GALNT15: variants seen among roughly 807,000 people sequenced by gnomAD.
GALNT15 encodes the protein UDP-GalNAc transferase T15.
In GALNT15, 67 loss-of-function variants were observed where a neutral mutation model predicts 66.8. The ratio of observed to expected loss-of-function variants is 1.00; its 90% CI spans 0.82 to 1.23. The LOEUF is 1.23. Among genes scored for constraint, GALNT15 ranks in the 50% most tolerant of loss-of-function variants. GALNT15 has a pLI of 0.00. For missense variants in GALNT15, 827 were observed against 804.3 expected, an observed-to-expected ratio of 1.03 and a Z score of -0.34; for synonymous variants, 313 against 311.5, an observed-to-expected ratio of 1.00 and a Z score of -0.05.
intron 6 of GALNT15, among the ~76,000 whole-genome samples, chr3:16,214,127 C>A (rs1046912915): frequency 1.3e-5 from 2 of 152,238 alleles, no homozygotes; most frequent in African/African-American, 4.8e-5. Context: ...AGGAGAAATG[C>A]TGCTAACAGC....
rs1308840649 is a variant in GALNT15, at chr3:16,203,539, T to TCA, written c.911+2717_911+2718insAC. Among the ~76,000 whole-genome samples the TCA allele has an allele frequency of 3.4e-4, 18 of 53,310 alleles. No homozygotes were observed. Among genetic ancestry groups the TCA allele is most frequent in the East Asian group, 2.2e-3 (3 of 1,344 alleles). 35.0% of individuals were successfully genotyped at this position (53,310 alleles called of 152,430 possible). A position where few individuals can be genotyped will look rare whatever the true frequency, so the allele number is the denominator to read the frequency against. ...CACTCATTCTCTCTCTCTCTCTCTCTCTCTCACACACACACACACACACAC... is the reference window on the plus strand; with the variant it reads ...CACTCATTCTCTCTCTCTCTCTCTCTCACTCTCACACACACACACACACACAC... On this transcript the variant is annotated intron_variant, in intron 3 of 9. Transcript: ENST00000339732. This position sits in a 1 kb window ranked among gnomAD's most constrained non-coding sequence, Gnocchi z 6.2.
intron 1 of GALNT15, among the ~76,000 whole-genome samples, chr3:16,178,845 C>T (rs4685320): frequency 0.42 from 63,115 of 152,060 alleles, 13,816 homozygotes; most frequent in East Asian, 0.5. Flanking sequence ...GCCTGTGCCT[C>T]GGGCTGTAGC....
rs769003708 is a variant in GALNT15 at position 16,204,960 on chromosome 3, T to C, written c.912-3543T>C. Among the ~76,000 whole-genome samples the C allele has an allele frequency of 3.3e-5, 5 of 152,146 alleles. No homozygotes were observed. Among genetic ancestry groups the C allele is most frequent in the African/African-American group, 7.2e-5 (3 of 41,428 alleles). ...GAGCGAGCATGTGCGTGCGTGTGTG[T>C]GTGCGCGCGCATGTGCGCGTCAAGG... is the stretch of plus-strand genomic sequence containing the variant. On this transcript the variant is annotated intron_variant, in intron 3 of 9. Coordinates refer to ENST00000339732, the MANE Select transcript of GALNT15 (RefSeq NM_054110.5). This position sits in a 1 kb window ranked among gnomAD's most constrained non-coding sequence, Gnocchi z 4.5.
chr3:16,192,496 A>G (rs2063589671), intron 1 of GALNT15, among the ~76,000 whole-genome samples: 1 of 151,998 alleles, frequency 6.6e-6, no homozygotes, highest in Non-Finnish European at 1.5e-5. Flanking sequence ...CACTAAATTC[A>G]CTGAGGCAAA....
chr3:16,246,377 G>A, the GALNT15 span, among the ~76,000 whole-genome samples: 1 of 139,024 alleles, frequency 7.2e-6, no homozygotes, highest in South Asian at 2.5e-4. Flanking sequence ...CCAGGCTGGA[G>A]TGCAGTGGTG....
chr3:16,200,637 T>C lies in GALNT15; in HGVS notation c.725T>C (p.Leu242Pro). 6.4e-7 allele frequency: 1 copy of C among 1,569,676 alleles called. No individual in the cohort carries two copies. The highest frequency in any genetic ancestry group is 8.6e-7 in the Non-Finnish European group (1 of 1,157,504). ...ATTCCAGGACAACTCAAGTCTGCTC[T>C]CAGCGAATATGTGGCCAGGCTGGAG... ...LSQQGQLKSA[L>P]SEYVARLEGV... Residue 242 changes from leucine to proline, a missense_variant, in exon 3 of 10, where the codon CTC (leucine) becomes CCC (proline). Physicochemically the swap from Leu to Pro is moderately conservative, Grantham distance 98. Transcript: ENST00000339732. The surrounding 1 kb of genome is among the most constrained non-coding windows in gnomAD (Gnocchi z 4.4).
At chr3:16,205,566 G>T (rs572514526) in intron 3 of GALNT15, among the ~76,000 whole-genome samples, 20 of 152,320 alleles carry the variant, frequency 1.3e-4, no homozygotes, top group African/African-American at 4.8e-4. Context: ...AGGGACTGAC[G>T]AAGTAAGCAG....
intron 5 of GALNT15, among the ~76,000 whole-genome samples, 159 bp from the exon 6 acceptor site, chr3:16,212,410 C>A (rs1424928828): frequency 6.6e-6 from 1 of 152,172 alleles, no homozygotes; most frequent in African/African-American, 2.4e-5. Context: ...ACCTCCAAAT[C>A]TGGAAACTCT....
rs2064049854 is a variant in GALNT15 at position 16,228,679 on chromosome 3, G to A, written c.*1179G>A. Reference sequence around the variant, plus strand: ...AAGAGAGAAACTCTCCTGATGCCCTGTTACAGGGTTTGCACTGACTGGAGC... The same window carrying A: ...AAGAGAGAAACTCTCCTGATGCCCTATTACAGGGTTTGCACTGACTGGAGC... On this transcript the variant is annotated 3_prime_UTR_variant, in exon 10 of 10. Coordinates refer to ENST00000339732, the MANE Select transcript of GALNT15 (RefSeq NM_054110.5). The A allele has an allele frequency of 8.1e-6, 8 of 984,420 alleles. No homozygotes were observed. Among genetic ancestry groups the A allele is most frequent in the Non-Finnish European group, 9.6e-6 (8 of 829,768 alleles). The allele number at this position is 984,420 out of a possible 1,614,324, so 61.0% of individuals were successfully genotyped here.
downstream of GALNT15, among the ~76,000 whole-genome samples, chr3:16,236,377 C>T (rs752793478): frequency 1.8e-4 from 28 of 152,132 alleles, no homozygotes; most frequent in Non-Finnish European, 1.6e-4. Context: ...TTGACTCTGC[C>T]ATTGTGGTAC....
At position 16,200,922 on chromosome 3, in the gene GALNT15, A is replaced by T; in HGVS notation, c.911+99A>T. The T allele has an allele frequency of 1.1e-6, 1 of 882,006 alleles. No homozygotes were observed. The highest frequency in any genetic ancestry group is 1.7e-6 in the Non-Finnish European group (1 of 588,892). The allele number at this position is 882,006 out of a possible 1,614,324, so 54.6% of individuals were successfully genotyped here. A position where few individuals can be genotyped will look rare whatever the true frequency, so the allele number is the denominator to read the frequency against. ...GAGCAACCCACCTATTAATTCCTGA[A>T]TCTCCATTAGAGAGTGATATATTCC... On this transcript the variant is annotated intron_variant, in intron 3 of 9. Transcript: ENST00000339732. This position sits in a 1 kb window ranked among gnomAD's most constrained non-coding sequence, Gnocchi z 4.4.
At position 16,222,614 on chromosome 3, in the gene GALNT15, G is replaced by A. The variant is rs143053051; in HGVS notation, c.1630-1G>A. The stretch of plus-strand genomic sequence containing the variant: ...GCTAACAACTATTGCTTCTGTCACA[G>A]TACCTGCAGCACACCAGCAGGAAGG... On this transcript the variant is annotated splice_acceptor_variant, in intron 8 of 9. Transcript: ENST00000339732. LOFTEE classifies it high-confidence loss of function. 2 of 1,614,086 alleles carry A rather than the reference G, an allele frequency of 1.2e-6. No homozygotes were observed. Among genetic ancestry groups the A allele is most frequent in the Non-Finnish European group, 1.7e-6 (2 of 1,180,040 alleles).
downstream of GALNT15, among the ~76,000 whole-genome samples, chr3:16,231,179 A>T (rs2064078020): frequency 1.3e-5 from 2 of 151,888 alleles, no homozygotes; most frequent in South Asian, 4.2e-4. The surrounding 1 kb of genome is among the most constrained non-coding windows in gnomAD (Gnocchi z 4.1). Context: ...GGAGAGCATC[A>T]GGACAAATAC....
In GALNT15 at chr3:16,227,450, G is replaced by T; in HGVS notation, c.1870G>T (p.Ala624Ser). Residue 624 changes from alanine (A) to serine (S), a missense_variant, in exon 10 of 10, where the codon GCC (alanine) becomes TCC (serine). By Grantham distance (99) the Ala-to-Ser change is moderately conservative. Transcript: ENST00000339732. The surrounding 1 kb of genome is among the most constrained non-coding windows in gnomAD (Gnocchi z 4.5). ...GTACCTGCGTCCGTGTGATGGAAAA[G>T]CCCGCCAGCAGTGGCGTTTTGACCA... ...DLYLRPCDGK[A>S]RQQWRFDQIN... 6.2e-7 allele frequency: 1 copy of T among 1,614,166 alleles called. No individual in the cohort carries two copies. Among genetic ancestry groups the T allele is most frequent in the Non-Finnish European group, 8.5e-7 (1 of 1,180,006 alleles).
chr3:16,227,833 G>A lies in GALNT15; in HGVS notation c.*333G>A. The A allele has an allele frequency of 9.3e-7, 1 of 1,072,460 alleles. No homozygotes were observed. Among genetic ancestry groups the A allele is most frequent in the Non-Finnish European group, 1.1e-6 (1 of 885,774 alleles). 66.4% of individuals were successfully genotyped at this position (1,072,460 alleles called of 1,614,324 possible). On this transcript the variant is annotated 3_prime_UTR_variant, in exon 10 of 10. Transcript: ENST00000339732. The surrounding 1 kb of genome is among the most constrained non-coding windows in gnomAD (Gnocchi z 4.5). ...TCTCTGGCCTGGACATTCTCTGGCA[G>A]CACCTCCAGGATACATAAATTCAAT...
intron 8 of GALNT15, chr3:16,220,268 G>A: frequency 4.0e-6 from 2 of 494,610 alleles, no homozygotes; most frequent in Non-Finnish European, 3.7e-6. Flanking sequence ...AAGCCGTTTG[G>A]CCAAACTTTT....
Position 16,229,889 on chromosome 3 carries a change from A to G in GALNT15, c.*2389A>G. 3.3e-6 allele frequency: 1 copy of G among 304,948 alleles called. No homozygotes were observed. The highest frequency in any genetic ancestry group is 4.8e-6 in the Non-Finnish European group (1 of 207,894). The allele number at this position is 304,948 out of a possible 1,614,324, so 18.9% of individuals were successfully genotyped here. On this transcript the variant is annotated 3_prime_UTR_variant, in exon 10 of 10. Transcript: ENST00000339732. Reference sequence around the variant, plus strand: ...TTATTGCAGAAGTGGCTGTCAACTCAGTCCCTGGCTGGTATTTACAGACCC... The same window carrying G: ...TTATTGCAGAAGTGGCTGTCAACTCGGTCCCTGGCTGGTATTTACAGACCC...
In GALNT15 at chr3:16,186,067, CA is replaced by C. The variant is rs1240721276; in HGVS notation, c.540-9689del. Among the ~76,000 whole-genome samples the C allele has an allele frequency of 6.6e-6, 1 of 151,924 alleles. No individual in the cohort carries two copies. The highest frequency in any genetic ancestry group is 1.5e-5 in the Non-Finnish European group (1 of 67,992). ...CTATATTGCATAAGAGATTTGTATC[CA>C]AAATACAAAAAGAACCCTTACAACC... On this transcript the variant is annotated intron_variant, in intron 1 of 9. Transcript: ENST00000339732. The surrounding 1 kb of genome is among the most constrained non-coding windows in gnomAD (Gnocchi z 5.1).
the GALNT15 span, among the ~76,000 whole-genome samples, chr3:16,243,275 A>G: frequency 6.6e-6 from 1 of 152,194 alleles, no homozygotes; most frequent in Non-Finnish European, 1.5e-5. Flanking sequence ...CCCCCATGGA[A>G]GTTCGGCCAG....
Sources: allele counts gnomAD v4.1 joint callset (sites outside exome capture counted in the v4.1 genomes callset), GRCh38; gene constraint gnomAD v4.1.1; non-coding constraint Gnocchi (gnomAD v3.1); transcripts MANE v1.5; gene names NCBI Gene and HGNC (gene_info 2026-07-23, HGNC 2026-07-21).